Variants in AEN observed in about 807,000 individuals in gnomAD.
The protein encoded by AEN is apoptosis enhancing nuclease, also known as apoptosis-enhancing nuclease.
A neutral mutation model predicts 17.7 loss-of-function variants in AEN; 21 were observed. That is an observed-to-expected ratio of 1.19 (90% CI 0.84 to 1.71). The LOEUF is 1.71. Ranked by LOEUF, AEN falls within the 40% of genes most tolerant of loss-of-function variation. The pLI is 0.00. For missense variants in AEN, 462 were observed against 435.9 expected (o/e 1.06, Z -0.53); for synonymous variants, 190 against 173.0 (o/e 1.10, Z -0.77).
chr15:88,624,416 G>C (rs2057825572), intron 1 of AEN, among the ~76,000 whole-genome samples: 1 of 152,184 alleles, frequency 6.6e-6, no homozygotes, highest in South Asian at 2.1e-4. Flanking sequence ...GCCAACCACG[G>C]GCTAGAGTCT....
At chr15:88,625,565 C>G (rs2057840402) in intron 1 of AEN, among the ~76,000 whole-genome samples, 1 of 152,180 alleles carries the variant, frequency 6.6e-6, no homozygotes, top group Non-Finnish European at 1.5e-5. Flanking sequence ...CAAAAAAATA[C>G]AACTATTCAG....
the AEN span, among the ~76,000 whole-genome samples, chr15:88,610,360 T>G: frequency 6.6e-6 from 1 of 151,796 alleles, no homozygotes; most frequent in Non-Finnish European, 1.5e-5. Context: ...CATCTCTGTT[T>G]CTTGATAGAT....
intron 1 of AEN, among the ~76,000 whole-genome samples, chr15:88,624,511 C>T (rs1383068605): frequency 1.5e-4 from 23 of 152,170 alleles, no homozygotes; most frequent in Admixed American, 1.2e-3. Context: ...GTGTCGTTTC[C>T]TCTTCACACA....
In AEN at chr15:88,629,277, G is replaced by A. The variant is rs756014603; in HGVS notation, c.592G>A (p.Asp198Asn). ...KVVVGHALHN[D>N]FQALKYVHPR... ...GGTGGTGGGGCACGCGCTGCACAAC[G>A]ACTTCCAGGCGCTCAAGTATGTCCA... Residue 198 changes from aspartate to asparagine, a missense_variant, in exon 3 of 4, where the codon GAC (aspartate) becomes AAC (asparagine). Transcript: ENST00000332810. 3.7e-6 allele frequency: 6 copies of A among 1,614,004 alleles called. No individual in the cohort carries two copies. The African/African-American group carries it at 5.3e-5, about 14-fold the overall frequency.
At chr15:88,623,474 A>G (rs893600953) in intron 1 of AEN, among the ~76,000 whole-genome samples, 5 of 151,862 alleles carry the variant, frequency 3.3e-5, no homozygotes. Flanking sequence ...CTCTTTCTAC[A>G]CCCTTCTGAA....
At chr15:88,617,043 A>G (rs911005761), upstream of AEN, among the ~76,000 whole-genome samples, 4 of 152,214 alleles carry the variant, frequency 2.6e-5, no homozygotes, top group African/African-American at 4.8e-5. Context: ...AATGAACGCA[A>G]TGGAGTCTAA....
At chr15:88,610,909 C>T in the AEN span, among the ~76,000 whole-genome samples, 1 of 152,190 alleles carries the variant, frequency 6.6e-6, no homozygotes, top group Admixed American at 6.5e-5. Context: ...GCAGCAGGGG[C>T]TTTGCCTCTC....
intron 1 of AEN, among the ~76,000 whole-genome samples, chr15:88,624,608 A>G (rs2057828063): frequency 6.6e-6 from 1 of 152,176 alleles, no homozygotes; most frequent in Non-Finnish European, 1.5e-5. Context: ...GTTAGGCCGA[A>G]TATGGTGGCC....
At chr15:88,608,161 C>A in the AEN span, 2 of 531,304 alleles carry the variant, frequency 3.8e-6, no homozygotes, top group African/African-American at 1.9e-5. Flanking sequence ...CCTTGTCAAC[C>A]AATAAGAGGA....
At chr15:88,613,251 T>C in the AEN span, among the ~76,000 whole-genome samples, 1 of 152,166 alleles carries the variant, frequency 6.6e-6, no homozygotes, top group East Asian at 1.9e-4. Flanking sequence ...CCAGAGACTT[T>C]GGCTGCCTCT....
At position 88,630,153 on chromosome 15, in the gene AEN, C is replaced by G. The variant is rs768698848; in HGVS notation, c.837C>G (p.Arg279=). 1 of 1,613,916 alleles carries G rather than the reference C, an allele frequency of 6.2e-7. No individual in the cohort carries two copies. The highest frequency in any genetic ancestry group is 1.7e-5 in the Admixed American group (1 of 60,004). ...VEVQWEQQEA[R]SLWTCPEDRE... ...TGCAGTGGGAACAGCAGGAGGCCCGCAGCCTCTGGACCTGCCCCGAGGACA... is the reference window on the plus strand; with the variant it reads ...TGCAGTGGGAACAGCAGGAGGCCCGGAGCCTCTGGACCTGCCCCGAGGACA... The change falls in exon 4 of 4, where the codon CGC becomes CGG. Residue 279 remains arginine, a synonymous_variant. Coordinates refer to ENST00000332810, the MANE Select transcript of AEN (RefSeq NM_022767.4). The surrounding 1 kb of genome is among the most constrained non-coding windows in gnomAD (Gnocchi z 5.1).
chr15:88,630,015 T>C lies in AEN; in HGVS notation c.742-43T>C. 1 of 1,584,880 alleles carries C rather than the reference T, an allele frequency of 6.3e-7. No homozygotes were observed. The highest frequency in any genetic ancestry group is 8.7e-7 in the Non-Finnish European group (1 of 1,154,648). On this transcript the variant is annotated intron_variant, in intron 3 of 3. Transcript: ENST00000332810. This position sits in a 1 kb window ranked among gnomAD's most constrained non-coding sequence, Gnocchi z 5.1. ...CTTGCTTCTTGGGGTAACAGGCCTC[T>C]CACTAGGCCTGCAGGCAGTGATGTG... is the stretch of plus-strand genomic sequence containing the variant.
the AEN span, among the ~76,000 whole-genome samples, chr15:88,615,857 A>G: frequency 6.6e-6 from 1 of 152,114 alleles, no homozygotes; most frequent in African/African-American, 2.4e-5. Context: ...AGTACCCCCA[A>G]AAAGTCCTCA....
chr15:88,614,922 C>T, the AEN span, among the ~76,000 whole-genome samples: 5 of 152,068 alleles, frequency 3.3e-5, no homozygotes, highest in African/African-American at 1.2e-4. Flanking sequence ...GAGTCTCGCT[C>T]TGTCGCCCAG....
intron 3 of AEN, 111 bp from the exon 4 acceptor site, chr15:88,629,947 A>G: frequency 1.1e-6 from 1 of 940,322 alleles, no homozygotes; most frequent in Non-Finnish European, 1.7e-6. Flanking sequence ...CATTCTGAGC[A>G]TACGTATTCT....
the AEN span, among the ~76,000 whole-genome samples, chr15:88,609,231 T>C: frequency 0.44 from 67,371 of 151,974 alleles, 15,054 homozygotes; most frequent in East Asian, 0.72. Context: ...AGCCCTTCAA[T>C]ATTAGGAGCT....
the AEN span, chr15:88,611,830 T>C: frequency 1.9e-6 from 1 of 520,668 alleles, no homozygotes. Context: ...CTGGCCTGGA[T>C]ACAGAGTGGA....
At position 88,630,621 on chromosome 15, in the gene AEN, C is replaced by G; in HGVS notation, c.*327C>G. 1 of 333,292 alleles carries G rather than the reference C, an allele frequency of 3.0e-6. No homozygotes were observed. Among genetic ancestry groups the G allele is most frequent in the Non-Finnish European group, 5.7e-6 (1 of 173,924 alleles). 20.6% of individuals were successfully genotyped at this position (333,292 alleles called of 1,614,324 possible). On this transcript the variant is annotated 3_prime_UTR_variant, in exon 4 of 4. Coordinates refer to ENST00000332810, the MANE Select transcript of AEN (RefSeq NM_022767.4). The surrounding 1 kb of genome is among the most constrained non-coding windows in gnomAD (Gnocchi z 5.1). The stretch of plus-strand genomic sequence containing the variant: ...CAACAGACTGCCCAGGTTGCCGTGG[C>G]CTTCCCCACCCCCCAGATCTCCTGA...
upstream of AEN, among the ~76,000 whole-genome samples, chr15:88,617,008 T>C (rs532001028): frequency 4.6e-5 from 7 of 152,370 alleles, 1 homozygote; most frequent in South Asian, 1.4e-3. Flanking sequence ...TCTGTTAATA[T>C]GGACATCTTA....
Sources: allele counts gnomAD v4.1 joint callset (sites outside exome capture counted in the v4.1 genomes callset), GRCh38; gene constraint gnomAD v4.1.1; non-coding constraint Gnocchi (gnomAD v3.1); transcripts MANE v1.5; gene names NCBI Gene and HGNC (gene_info 2026-07-23, HGNC 2026-07-21).